PTMS: variants seen among roughly 807,000 people sequenced by gnomAD.
PTMS encodes parathymosin.
In PTMS, 5 loss-of-function variants were observed where a neutral mutation model predicts 18.4. The ratio of observed to expected loss-of-function variants is 0.27; its 90% CI spans 0.14 to 0.57. The LOEUF is 0.57. PTMS is among the 20% of genes least tolerant of loss of function. The pLI is 0.92. For missense variants in PTMS, 93 were observed against 124.6 expected (o/e 0.75, Z 1.21); for synonymous variants, 53 against 47.7 (o/e 1.11, Z -0.46).
rs761746533 is a variant in PTMS, at chr12:6,770,852, G to A, written c.*410G>A. The A allele has an allele frequency of 2.9e-5, 6 of 203,768 alleles. No individual in the cohort carries two copies. Among genetic ancestry groups the A allele is most frequent in the African/African-American group, 6.9e-5 (3 of 43,212 alleles). 12.6% of individuals were successfully genotyped at this position (203,768 alleles called of 1,614,324 possible). ...GATCCCCTCTTCTCAGACAGCGCCA[G>A]GCCGGGGTGGGGCCGGGGTTGGGGC... On this transcript the variant is annotated 3_prime_UTR_variant, in exon 5 of 5. Coordinates refer to ENST00000309083, the MANE Select transcript of PTMS (RefSeq NM_002824.6). The surrounding 1 kb of genome is among the most constrained non-coding windows in gnomAD (Gnocchi z 7.3).
Position 6,770,525 on chromosome 12 carries a change from C to T in PTMS, c.*83C>T. The T allele has an allele frequency of 1.3e-6, 2 of 1,482,562 alleles. No individual in the cohort carries two copies. Among genetic ancestry groups the T allele is most frequent in the African/African-American group, 1.4e-5 (1 of 72,164 alleles). 91.8% of individuals were successfully genotyped at this position (1,482,562 alleles called of 1,614,324 possible). A position where few individuals can be genotyped will look rare whatever the true frequency, so the allele number is the denominator to read the frequency against. ...GGCAGCCAAGTCCAGCCACTCTTCACCTGGCTCCCTGCTCTGGGCCCTGCA... is the reference window on the plus strand; with the variant it reads ...GGCAGCCAAGTCCAGCCACTCTTCATCTGGCTCCCTGCTCTGGGCCCTGCA... On this transcript the variant is annotated 3_prime_UTR_variant, in exon 5 of 5. Coordinates refer to ENST00000309083, the MANE Select transcript of PTMS (RefSeq NM_002824.6). This position sits in a 1 kb window ranked among gnomAD's most constrained non-coding sequence, Gnocchi z 7.3.
At chr12:6,769,178 G>A (rs1941806691) in intron 1 of PTMS, 2 of 245,952 alleles carry the variant, frequency 8.1e-6, no homozygotes, top group Non-Finnish European at 1.6e-5. Flanking sequence ...GGCCCCAGAG[G>A]TAGACAAAAG....
At position 6,766,619 on chromosome 12, in the gene PTMS, C is replaced by A; in HGVS notation, c.-87C>A. 1.2e-6 allele frequency: 1 copy of A among 812,082 alleles called. No homozygotes were observed. Among genetic ancestry groups the A allele is most frequent in the Non-Finnish European group, 1.5e-6 (1 of 651,184 alleles). 50.3% of individuals were successfully genotyped at this position (812,082 alleles called of 1,614,324 possible). A position where few individuals can be genotyped will look rare whatever the true frequency, so the allele number is the denominator to read the frequency against. On this transcript the variant is annotated 5_prime_UTR_variant, in exon 1 of 5. Coordinates refer to ENST00000309083, the MANE Select transcript of PTMS (RefSeq NM_002824.6). ...CCGCCGCCACCGCGCCAGGTTCCGG[C>A]CGCGGCCACCCTCCGCCGTCCAGGG... is the stretch of plus-strand genomic sequence containing the variant.
chr12:6,768,184 T>G (rs1941796672), intron 1 of PTMS, among the ~76,000 whole-genome samples: 1 of 152,218 alleles, frequency 6.6e-6, no homozygotes, highest in African/African-American at 2.4e-5. Context: ...CTTTGGTCTC[T>G]GGTATTCTCC....
chr12:6,768,385 G>T (rs1592492145), intron 1 of PTMS, among the ~76,000 whole-genome samples: 2 of 152,282 alleles, frequency 1.3e-5, no homozygotes, highest in East Asian at 3.9e-4. Context: ...GGGTGGAAGG[G>T]CACCCTCTCT....
Position 6,770,654 on chromosome 12 carries a change from C to A in PTMS, c.*212C>A. 1 of 620,364 alleles carries A rather than the reference C, an allele frequency of 1.6e-6. No homozygotes were observed. The highest frequency in any genetic ancestry group is 2.8e-6 in the Non-Finnish European group (1 of 351,328). The allele number at this position is 620,364 out of a possible 1,614,324, so 38.4% of individuals were successfully genotyped here. On this transcript the variant is annotated 3_prime_UTR_variant, in exon 5 of 5. Transcript: ENST00000309083. The surrounding 1 kb of genome is among the most constrained non-coding windows in gnomAD (Gnocchi z 7.3). ...TGCCATTGTTCCACCTCCTGACCTG[C>A]TCCATCTGAGCTCTCCAGCTGGCCC...
At position 6,770,436 on chromosome 12, in the gene PTMS, G is replaced by A. The variant is rs753543178; in HGVS notation, c.303G>A (p.Ser101=). The A allele has an allele frequency of 2.0e-5, 32 of 1,613,126 alleles. No individual in the cohort carries two copies. The highest frequency in any genetic ancestry group is 6.7e-5 in the East Asian group (3 of 44,828). The change falls in exon 5 of 5, where the codon TCG becomes TCA. Residue 101 remains serine, a synonymous_variant. Transcript: ENST00000309083. The surrounding 1 kb of genome is among the most constrained non-coding windows in gnomAD (Gnocchi z 7.3). ...PKRQKTENGA[S]A is the part of the protein sequence containing the mutation. ...GGCAGAAGACAGAAAATGGGGCATCGGCGTGAGCCCCTGCCAACAGGCTGG... is the reference window on the plus strand; with the variant it reads ...GGCAGAAGACAGAAAATGGGGCATCAGCGTGAGCCCCTGCCAACAGGCTGG...
intron 1 of PTMS, among the ~76,000 whole-genome samples, chr12:6,768,464 C>T (rs1430199303): frequency 1.3e-5 from 2 of 152,172 alleles, no homozygotes; most frequent in South Asian, 2.1e-4. Flanking sequence ...CCAGGGCAGC[C>T]GTTCTGCACC....
Position 6,766,449 on chromosome 12 carries a change from G to A in PTMS, c.-257G>A. 9.1e-6 allele frequency: 2 copies of A among 220,416 alleles called. No individual in the cohort carries two copies. The highest frequency in any genetic ancestry group is 1.1e-4 in the South Asian group (2 of 17,796). The allele number at this position is 220,416 out of a possible 1,614,324, so 13.7% of individuals were successfully genotyped here. ...CGGCCGAGCGCGCCGGCCACCGCCTGCACCGCCCTTCCGCCCGCCCTCCGG... is the reference window on the plus strand; with the variant it reads ...CGGCCGAGCGCGCCGGCCACCGCCTACACCGCCCTTCCGCCCGCCCTCCGG... On this transcript the variant is annotated 5_prime_UTR_variant, in exon 1 of 5. Coordinates refer to ENST00000309083, the MANE Select transcript of PTMS (RefSeq NM_002824.6).
intron 1 of PTMS, among the ~76,000 whole-genome samples, chr12:6,768,368 C>T (rs1453537429): frequency 6.6e-6 from 1 of 152,140 alleles, no homozygotes; most frequent in Admixed American, 6.5e-5. Context: ...ATGAAGACCT[C>T]ACGGTGGGGT....
At chr12:6,767,680 T>C (rs1565479269) in intron 1 of PTMS, among the ~76,000 whole-genome samples, 1 of 133,808 alleles carries the variant, frequency 7.5e-6, no homozygotes, top group Non-Finnish European at 1.6e-5. Context: ...GGGGAGCCAA[T>C]GGGATTAACG....
In PTMS at chr12:6,770,410, C is replaced by A; in HGVS notation, c.277C>A (p.Arg93=). 6.2e-7 allele frequency: 1 copy of A among 1,611,902 alleles called. No homozygotes were observed. Among genetic ancestry groups the A allele is most frequent in the East Asian group, 2.2e-5 (1 of 44,754 alleles). Residue 93 remains arginine (R), a synonymous_variant, in exon 5 of 5, where the codon CGG becomes AGG. Coordinates refer to ENST00000309083, the MANE Select transcript of PTMS (RefSeq NM_002824.6). This position sits in a 1 kb window ranked among gnomAD's most constrained non-coding sequence, Gnocchi z 7.3. ...TCCACAGGATGAAGCGGATCCCAAA[C>A]GGCAGAAGACAGAAAATGGGGCATC... ...AEEEDEADPK[R]QKTENGASA
At chr12:6,769,281 T>G in intron 1 of PTMS, 10 of 341,540 alleles carry the variant, frequency 2.9e-5, no homozygotes, top group Admixed American at 5.1e-5. Flanking sequence ...ATGGAGAGGA[T>G]TTGCTTTGCT....
In PTMS at chr12:6,770,698, C is replaced by G. The variant is rs1941827586; in HGVS notation, c.*256C>G. The G allele has an allele frequency of 8.7e-6, 5 of 573,764 alleles. No individual in the cohort carries two copies. In the Admixed American group the frequency reaches 1.5e-4, roughly 17 times the overall value. 35.5% of individuals were successfully genotyped at this position (573,764 alleles called of 1,614,324 possible). Reference sequence around the variant, plus strand: ...CTGGCCCCCAATTGCTCCTCTCTCTCTTTGCTCTCTTTCTCCCTCCCCTAC... The same window carrying G: ...CTGGCCCCCAATTGCTCCTCTCTCTGTTTGCTCTCTTTCTCCCTCCCCTAC... On this transcript the variant is annotated 3_prime_UTR_variant, in exon 5 of 5. Transcript: ENST00000309083. This position sits in a 1 kb window ranked among gnomAD's most constrained non-coding sequence, Gnocchi z 7.3.
chr12:6,766,754 C>A lies in PTMS; in HGVS notation c.45+4C>A. 1 of 1,057,568 alleles carries A rather than the reference C, an allele frequency of 9.5e-7. No individual in the cohort carries two copies. Among genetic ancestry groups the A allele is most frequent in the Non-Finnish European group, 1.1e-6 (1 of 879,188 alleles). 65.5% of individuals were successfully genotyped at this position (1,057,568 alleles called of 1,614,324 possible). ...AGCGGCCGAGTTGAGCGCCAAGGTA[C>A]GGGCGGGGGCGGCGGCGGCCCGGAC... On this transcript the variant is annotated splice_donor_region_variant and intron_variant, in intron 1 of 4. Transcript: ENST00000309083.
chr12:6,766,442 A>C lies in PTMS; in HGVS notation c.-264A>C, dbSNP rs1171685009. The C allele has an allele frequency of 5.4e-6, 1 of 184,850 alleles. No individual in the cohort carries two copies. The allele number at this position is 184,850 out of a possible 1,614,324, so 11.5% of individuals were successfully genotyped here. ...GCTACCGCGGCCGAGCGCGCCGGCC[A>C]CCGCCTGCACCGCCCTTCCGCCCGC... On this transcript the variant is annotated 5_prime_UTR_variant, in exon 1 of 5. Transcript: ENST00000309083.
At chr12:6,769,338 T>TG (rs1941809152) in intron 1 of PTMS, among the ~76,000 whole-genome samples, 1 of 151,666 alleles carries the variant, frequency 6.6e-6, no homozygotes, top group African/African-American at 2.4e-5. Flanking sequence ...TTGATGGGGG[T>TG]GGGGATCATT....
chr12:6,768,396 G>A (rs910363315), intron 1 of PTMS, among the ~76,000 whole-genome samples: 1 of 152,160 alleles, frequency 6.6e-6, no homozygotes, highest in African/African-American at 2.4e-5. Context: ...CACCCTCTCT[G>A]GAGTGAGAGT....
At chr12:6,768,078 C>G (rs918965887) in intron 1 of PTMS, among the ~76,000 whole-genome samples, 3 of 152,220 alleles carry the variant, frequency 2.0e-5, no homozygotes, top group East Asian at 3.8e-4. Flanking sequence ...AGCAGAAGAC[C>G]TAGGGCCCAG....
Sources: gnomAD v4.1 joint callset for allele counts (sites outside exome capture counted in the v4.1 genomes callset) on GRCh38, gnomAD v4.1.1 for gene constraint, Gnocchi (gnomAD v3.1) non-coding constraint, MANE v1.5 for transcripts, NCBI Gene and HGNC (gene_info 2026-07-23, HGNC 2026-07-21) for gene names.